Variants in ERFL observed in about 807,000 individuals in gnomAD.
ERFL encodes the protein ETS repressor factor like, also known as ETS domain-containing transcription factor ERF-like.
In ERFL, 8 loss-of-function variants were observed where a neutral mutation model predicts 27.9. That is an observed-to-expected ratio of 0.29 (90% confidence interval 0.17 to 0.52). The LOEUF is 0.52. Among genes scored for constraint, ERFL ranks in the 20% least tolerant of loss-of-function variants. The pLI is 0.97. For synonymous variants in ERFL, 174 were observed against 202.8 expected (o/e 0.86, Z 1.21); for missense variants, 294 against 444.4 (o/e 0.66, Z 3.04).
In ERFL at chr19:41,910,164, G is replaced by T; in HGVS notation, c.68-67C>A. On this transcript the variant is annotated intron_variant, in intron 2 of 5. Transcript: ENST00000597630. This position sits in a 1 kb window ranked among gnomAD's most constrained non-coding sequence, Gnocchi z 4.4. ...AAGTCCAGGGCTCTGGGTCCTGCTGGACTCAGTAACCTGGGAGGCATGTAG... is the reference window on the plus strand; with the variant it reads ...AAGTCCAGGGCTCTGGGTCCTGCTGTACTCAGTAACCTGGGAGGCATGTAG... 6.8e-7 allele frequency: 1 copy of T among 1,475,034 alleles called. No individual in the cohort carries two copies. Among genetic ancestry groups the T allele is most frequent in the Non-Finnish European group, 9.2e-7 (1 of 1,090,796 alleles). 91.4% of individuals were successfully genotyped at this position (1,475,034 alleles called of 1,614,324 possible).
chr19:41,926,369 A>C (rs535234023), intron 1 of ERFL, among the ~76,000 whole-genome samples: 1 of 152,052 alleles, frequency 6.6e-6, no homozygotes, highest in Non-Finnish European at 1.5e-5. Context: ...AGGTATGAGG[A>C]GATAGATGTT....
At chr19:41,922,762 C>T (rs1555852665) in intron 1 of ERFL, among the ~76,000 whole-genome samples, 3 of 152,196 alleles carry the variant, frequency 2.0e-5, no homozygotes, top group Admixed American at 6.5e-5. Flanking sequence ...CCAGGGGCAT[C>T]AGGCGCGGTG....
intron 2 of ERFL, among the ~76,000 whole-genome samples, chr19:41,911,077 G>A (rs543534550): frequency 2.0e-5 from 3 of 152,284 alleles, no homozygotes; most frequent in East Asian, 3.9e-4. Context: ...CAGACACACA[G>A]GGTGACAGCA....
At chr19:41,912,658 G>A (rs2074760131) in intron 2 of ERFL, among the ~76,000 whole-genome samples, 195 bp downstream of exon 2, 1 of 152,228 alleles carries the variant, frequency 6.6e-6, no homozygotes, top group African/African-American at 2.4e-5. Context: ...GCACGCAGGG[G>A]GCAGGGGAAT....
intron 1 of ERFL, among the ~76,000 whole-genome samples, chr19:41,924,918 A>C (rs2074862669): frequency 6.6e-6 from 1 of 152,156 alleles, no homozygotes; most frequent in African/African-American, 2.4e-5. Context: ...CTGCAGGGAC[A>C]GGTATCAAAA....
At chr19:41,925,538 C>T (rs963510239) in intron 1 of ERFL, among the ~76,000 whole-genome samples, 2 of 152,078 alleles carry the variant, frequency 1.3e-5, no homozygotes, top group East Asian at 1.9e-4. Flanking sequence ...TACAAGGGAC[C>T]GGGAAACTCT....
chr19:41,909,231 G>A lies in ERFL; in HGVS notation c.498+45C>T. On this transcript the variant is annotated intron_variant, in intron 4 of 5. Coordinates refer to ENST00000597630, the MANE Select transcript of ERFL (RefSeq NM_001365103.2). The surrounding 1 kb of genome is among the most constrained non-coding windows in gnomAD (Gnocchi z 5.2). ...TCTCAGACTGTCCCCTCCCCAGAGT[G>A]GGCACCAAGTGCCTCGGTTCCAGGA... 2 of 1,230,406 alleles carry A rather than the reference G, an allele frequency of 1.6e-6. No homozygotes were observed. Among genetic ancestry groups the A allele is most frequent in the Non-Finnish European group, 2.0e-6 (2 of 986,836 alleles). 76.2% of individuals were successfully genotyped at this position (1,230,406 alleles called of 1,614,324 possible). A position where few individuals can be genotyped will look rare whatever the true frequency, so the allele number is the denominator to read the frequency against.
At chr19:41,922,210 A>G (rs1555852548) in intron 1 of ERFL, among the ~76,000 whole-genome samples, 1 of 152,144 alleles carries the variant, frequency 6.6e-6, no homozygotes, top group African/African-American at 2.4e-5. Flanking sequence ...AGGCATCCCG[A>G]CAGAGCCCGG....
intron 1 of ERFL, chr19:41,923,125 A>G (rs2074851664): frequency 2.2e-6 from 1 of 456,266 alleles, no homozygotes; most frequent in Non-Finnish European, 4.4e-6. Flanking sequence ...TGAGGTAGGA[A>G]CTGCCATGAT....
chr19:41,922,495 G>T (rs2074848177), intron 1 of ERFL, among the ~76,000 whole-genome samples: 1 of 152,188 alleles, frequency 6.6e-6, no homozygotes, highest in Non-Finnish European at 1.5e-5. Context: ...CAAAAATGGG[G>T]AGAAGTGGGT....
intron 1 of ERFL, among the ~76,000 whole-genome samples, chr19:41,919,655 T>C (rs2074825745): frequency 6.6e-6 from 1 of 151,972 alleles, no homozygotes; most frequent in Non-Finnish European, 1.5e-5. Flanking sequence ...CACAAGATTT[T>C]GGGGGCTCTT....
In ERFL at chr19:41,909,914, A is replaced by G. The variant is rs2074742883; in HGVS notation, c.251T>C (p.Ile84Thr). 11 of 1,613,626 alleles carry G rather than the reference A, an allele frequency of 6.8e-6. No individual in the cohort carries two copies. In the South Asian group the frequency reaches 1.2e-4, roughly 18 times the overall value. Residue 84 changes from isoleucine to threonine, a missense_variant, in exon 3 of 6, where the codon ATT becomes ACT. This residue lies in a region of ERFL where 246 missense variants were observed against 371.4 expected (regional missense o/e 0.66). Transcript: ENST00000597630. This position sits in a 1 kb window ranked among gnomAD's most constrained non-coding sequence, Gnocchi z 5.2. ...ATTCATGTGGGGCTTGCATTTGCGA[A>G]TACCCCACAGCCGGGCCACCTCATC... is the stretch of plus-strand genomic sequence containing the variant. ...DPDEVARLWG[I>T]RKCKPHMNYD...
In ERFL at chr19:41,916,513, GAAAC is replaced by G. The variant is rs1395739322; in HGVS notation, c.-13-3585_-13-3582del. ...TGACACATCAATTCAATCTCACACA[GAAAC>G]AAAGACACAAAATCACAAATCCTAG... On this transcript the variant is annotated intron_variant, in intron 1 of 5. Transcript: ENST00000597630. This position sits in a 1 kb window ranked among gnomAD's most constrained non-coding sequence, Gnocchi z 5.4. Among the ~76,000 whole-genome samples the G allele has an allele frequency of 2.0e-5, 3 of 151,924 alleles. No individual in the cohort carries two copies. Among genetic ancestry groups the G allele is most frequent in the Non-Finnish European group, 1.5e-5 (1 of 67,982 alleles).
Position 41,928,022 on chromosome 19 carries a change from G to A in ERFL, c.-14+18C>T, listed in dbSNP as rs1390700389. On this transcript the variant is annotated intron_variant, in intron 1 of 5. Transcript: ENST00000597630. Reference sequence around the variant, plus strand: ...CCGCCCCCTCCCCGCCCCTGCGCCGGCCGCGGCGCTCACTCACTTTCTGGG... The same window carrying A: ...CCGCCCCCTCCCCGCCCCTGCGCCGACCGCGGCGCTCACTCACTTTCTGGG... The A allele has an allele frequency of 6.6e-6, 1 of 152,124 alleles. No individual in the cohort carries two copies. The highest frequency in any genetic ancestry group is 1.5e-5 in the Non-Finnish European group (1 of 68,034). 9.4% of individuals were successfully genotyped at this position (152,124 alleles called of 1,614,324 possible). A position where few individuals can be genotyped will look rare whatever the true frequency, so the allele number is the denominator to read the frequency against.
intron 1 of ERFL, among the ~76,000 whole-genome samples, chr19:41,913,603 C>T (rs2074767702): frequency 6.6e-6 from 1 of 151,674 alleles, no homozygotes; most frequent in Non-Finnish European, 1.5e-5. Context: ...GACCCTAGAC[C>T]TGCTGCTCAC....
chr19:41,926,985 A>T (rs1555853328), intron 1 of ERFL, among the ~76,000 whole-genome samples: 1 of 152,072 alleles, frequency 6.6e-6, no homozygotes, highest in Admixed American at 6.5e-5. Context: ...AGAAAGGAAG[A>T]GAGAGAGATA....
In ERFL at chr19:41,928,034, A is replaced by G. The variant is rs1772262674; in HGVS notation, c.-14+6T>C. The G allele has an allele frequency of 6.6e-6, 1 of 151,736 alleles. No individual in the cohort carries two copies. Among genetic ancestry groups the G allele is most frequent in the Non-Finnish European group, 1.5e-5 (1 of 67,920 alleles). 9.4% of individuals were successfully genotyped at this position (151,736 alleles called of 1,614,324 possible). On this transcript the variant is annotated splice_donor_region_variant and intron_variant, in intron 1 of 5. Transcript: ENST00000597630. Reference sequence around the variant, plus strand: ...CGCCCCTGCGCCGGCCGCGGCGCTCACTCACTTTCTGGGCTTTTCGCATCC... The same window carrying G: ...CGCCCCTGCGCCGGCCGCGGCGCTCGCTCACTTTCTGGGCTTTTCGCATCC...
At position 41,908,224 on chromosome 19, in the gene ERFL, C is replaced by T. The variant is rs1053258710; in HGVS notation, c.*4G>A. On this transcript the variant is annotated 3_prime_UTR_variant, in exon 6 of 6. Transcript: ENST00000597630. The surrounding 1 kb of genome is among the most constrained non-coding windows in gnomAD (Gnocchi z 6.7). ...CTCAGCAGAATCCATTGCCCCCTGC[C>T]GGCTCAGCTGCCGGTCCCCCCTTTG... The T allele has an allele frequency of 4.6e-5, 57 of 1,231,612 alleles. 1 individual carries two copies. Among genetic ancestry groups the T allele is most frequent in the Non-Finnish European group, 5.4e-5 (53 of 987,994 alleles). 76.3% of individuals were successfully genotyped at this position (1,231,612 alleles called of 1,614,324 possible). A position where few individuals can be genotyped will look rare whatever the true frequency, so the allele number is the denominator to read the frequency against.
intron 2 of ERFL, among the ~76,000 whole-genome samples, chr19:41,911,291 G>A (rs2074749970): frequency 6.6e-6 from 1 of 152,162 alleles, no homozygotes; most frequent in Admixed American, 6.5e-5. Context: ...TCACTCTTAT[G>A]CCACATCCTC....
Sources: gnomAD v4.1 joint callset for allele counts (sites outside exome capture counted in the v4.1 genomes callset) on GRCh38, gnomAD v4.1.1 for gene constraint, gnomAD v4.1.1 regional missense constraint, Gnocchi (gnomAD v3.1) non-coding constraint, MANE v1.5 for transcripts, NCBI Gene and HGNC (gene_info 2026-07-23, HGNC 2026-07-21) for gene names.